The following EXT1 variants were observed in gnomAD, a reference collection of about 807,000 sequenced individuals.
The protein encoded by EXT1 is exostosin-1.
Under a neutral mutation model 82.5 loss-of-function variants are expected in EXT1, and 20 were observed. That is an observed-to-expected ratio of 0.24 (90% CI 0.17 to 0.35). EXT1 has a LOEUF of 0.35. EXT1 is among the 10% of genes least tolerant of loss of function. EXT1 has a pLI of 1.00. For missense variants in EXT1, 757 were observed against 936.5 expected, an observed-to-expected ratio of 0.81 and a Z score of 2.50; for synonymous variants, 348 against 350.8, an observed-to-expected ratio of 0.99 and a Z score of 0.09.
chr8:117,862,778 C>T lies in EXT1; in HGVS notation c.963-25577G>A, dbSNP rs1386786405. On this transcript the variant is annotated intron_variant, in intron 1 of 10. Transcript: ENST00000378204. ...TGCTTATGGGTGGACAGTGGCATCT[C>T]AGTAAAGATGGGGTGCTCAGAAATG... is the stretch of plus-strand genomic sequence containing the variant. 2.8e-5 allele frequency among the ~76,000 whole-genome samples: 4 copies of T among 145,400 alleles called. 2 individuals carry two copies. The highest frequency in any genetic ancestry group is 6.2e-5 in the Non-Finnish European group (4 of 64,702).
chr8:118,036,972 C>T (rs1038328030), intron 1 of EXT1, among the ~76,000 whole-genome samples: 1 of 152,166 alleles, frequency 6.6e-6, no homozygotes, highest in Non-Finnish European at 1.5e-5. Flanking sequence ...ACGCAGCACA[C>T]CAAATCCATC....
chr8:117,923,553 T>TAAA (rs35980846), intron 1 of EXT1, among the ~76,000 whole-genome samples: 2 of 137,210 alleles, frequency 1.5e-5, no homozygotes, highest in African/African-American at 5.3e-5. Context: ...CCATCTCTAC[T>TAAA]AAAAAAAAAA....
chr8:117,858,736 G>C, intron 1 of EXT1, among the ~76,000 whole-genome samples: 1 of 87,764 alleles, frequency 1.1e-5, no homozygotes, highest in Non-Finnish European at 2.2e-5. Flanking sequence ...AAGGAAGGAA[G>C]GAAGGAAGGA....
In EXT1 at chr8:118,032,469, C is replaced by T. The variant is rs189261214; in HGVS notation, c.962+77616G>A. Among the ~76,000 whole-genome samples, 28 of 151,400 alleles carry T rather than the reference C, an allele frequency of 1.8e-4. No individual in the cohort carries two copies. The East Asian group carries it at 5.4e-3, about 29-fold the overall frequency. ...AATATAATCTAGTGTCTTTAAAATACCATCAAAGCTTCACAGTGTCTTTCA... is the reference window on the plus strand; with the variant it reads ...AATATAATCTAGTGTCTTTAAAATATCATCAAAGCTTCACAGTGTCTTTCA... On this transcript the variant is annotated intron_variant, in intron 1 of 10. Coordinates refer to ENST00000378204, the MANE Select transcript of EXT1 (RefSeq NM_000127.3).
At chr8:118,013,507 T>C (rs994137155) in intron 1 of EXT1, among the ~76,000 whole-genome samples, 8 of 151,978 alleles carry the variant, frequency 5.3e-5, no homozygotes, top group African/African-American at 1.7e-4. Context: ...CTGGGCCCCT[T>C]AGTACAGGGG....
chr8:117,854,334 G>T (rs992282840), intron 1 of EXT1, among the ~76,000 whole-genome samples: 13 of 152,086 alleles, frequency 8.5e-5, no homozygotes, highest in African/African-American at 3.1e-4. Flanking sequence ...GCAAAGTAAG[G>T]ATCATATTGT....
intron 1 of EXT1, among the ~76,000 whole-genome samples, chr8:118,050,505 C>T (rs1350865424): frequency 2.6e-5 from 4 of 152,142 alleles, no homozygotes; most frequent in Non-Finnish European, 2.9e-5. Context: ...CAGCAGGGGT[C>T]GGCAAACTTT....
rs568393032 is a variant in EXT1 at position 118,081,378 on chromosome 8, C to A, written c.962+28707G>T. On this transcript the variant is annotated intron_variant, in intron 1 of 10. Coordinates refer to ENST00000378204, the MANE Select transcript of EXT1 (RefSeq NM_000127.3). ...TAAGAAGGTTTCAATCAAACAATTT[C>A]TCTCTTTGTTTTAGCTCCAAGTAGA... is the stretch of plus-strand genomic sequence containing the variant. 4.6e-5 allele frequency among the ~76,000 whole-genome samples: 7 copies of A among 152,314 alleles called. No homozygotes were observed. In the South Asian group the frequency reaches 1.2e-3, roughly 27 times the overall value.
At chr8:117,992,800 G>A (rs200288958) in intron 1 of EXT1, among the ~76,000 whole-genome samples, 5 of 152,198 alleles carry the variant, frequency 3.3e-5, no homozygotes, top group East Asian at 3.8e-4. Flanking sequence ...AGAACCTTCC[G>A]TGGCATGGGA....
intron 1 of EXT1, among the ~76,000 whole-genome samples, chr8:118,078,040 A>C (rs1817241801): frequency 6.6e-6 from 1 of 152,168 alleles, no homozygotes; most frequent in Non-Finnish European, 1.5e-5. Context: ...CCTAGACACT[A>C]TGATTTAGTC....
chr8:117,831,197 C>T (rs1048328606), intron 3 of EXT1, among the ~76,000 whole-genome samples: 2 of 152,156 alleles, frequency 1.3e-5, no homozygotes, highest in African/African-American at 4.8e-5. Context: ...AGGAGTGTTG[C>T]CTCTAGCAGC....
chr8:117,920,110 A>G (rs1184449094), intron 1 of EXT1, among the ~76,000 whole-genome samples: 1 of 151,904 alleles, frequency 6.6e-6, no homozygotes, highest in African/African-American at 2.4e-5. Context: ...TTTTTATTTT[A>G]TTTTATTTTT....
At position 117,796,158 on chromosome 8, in the gene EXT1, A is replaced by G. The variant is rs1823085557; in HGVS notation, c.*3554T>C. On this transcript the variant is annotated 3_prime_UTR_variant, in exon 11 of 11. Coordinates refer to ENST00000378204, the MANE Select transcript of EXT1 (RefSeq NM_000127.3). ...CATTTTTATTTGAGAGTTCATGGCA[A>G]TAACTGCTACTTTTAAATACTGGAG... 1.3e-5 allele frequency: 2 copies of G among 152,200 alleles called. No individual in the cohort carries two copies. The highest frequency in any genetic ancestry group is 2.9e-5 in the Non-Finnish European group (2 of 68,048). 9.4% of individuals were successfully genotyped at this position (152,200 alleles called of 1,614,324 possible). A position where few individuals can be genotyped will look rare whatever the true frequency, so the allele number is the denominator to read the frequency against.
At chr8:118,092,329 G>A (rs1817537739) in intron 1 of EXT1, among the ~76,000 whole-genome samples, 1 of 152,172 alleles carries the variant, frequency 6.6e-6, no homozygotes, top group Non-Finnish European at 1.5e-5. Context: ...TAAAGAGGAG[G>A]CTACAAAAAG....
At chr8:117,959,472 T>A (rs17476044) in intron 1 of EXT1, among the ~76,000 whole-genome samples, 3,650 of 152,292 alleles carry the variant, frequency 0.024, 141 homozygotes, top group African/African-American at 0.084. Flanking sequence ...AGCATACCAC[T>A]AAGGAAGAGG....
intron 1 of EXT1, among the ~76,000 whole-genome samples, chr8:117,908,737 C>T (rs1271322999): frequency 6.6e-6 from 1 of 152,114 alleles, no homozygotes; most frequent in Non-Finnish European, 1.5e-5. Context: ...CTAAGGAAAT[C>T]GTTATTAGCC....
At chr8:117,964,871 C>CA (rs1814776670) in intron 1 of EXT1, among the ~76,000 whole-genome samples, 1 of 152,060 alleles carries the variant, frequency 6.6e-6, no homozygotes, top group African/African-American at 2.4e-5. Flanking sequence ...CTCCTGACCT[C>CA]GGGTGATCTG....
At chr8:118,002,528 C>CTTTTTTTTTTTTTTTTTTTTTTTTTTTT (rs60354141) in intron 1 of EXT1, among the ~76,000 whole-genome samples, 1 of 87,098 alleles carries the variant, frequency 1.1e-5, no homozygotes. Context: ...GAATATTTTT[C>CTTTTTTTTTTTTTTTTTTTTTTTTTTTT]TTTTTTTTTT....
At chr8:118,065,667 C>T (rs1047586631) in intron 1 of EXT1, among the ~76,000 whole-genome samples, 2 of 152,212 alleles carry the variant, frequency 1.3e-5, no homozygotes, top group Non-Finnish European at 2.9e-5. Flanking sequence ...TGAACTTACA[C>T]TTTGGGAAAT....
Sources: allele counts gnomAD v4.1 joint callset (sites outside exome capture counted in the v4.1 genomes callset), GRCh38; gene constraint gnomAD v4.1.1; transcripts MANE v1.5; gene names NCBI Gene and HGNC (gene_info 2026-07-23, HGNC 2026-07-21).